The following ABCC11 variants were observed in gnomAD, a reference collection of about 807,000 sequenced individuals.
ABCC11 encodes ATP binding cassette subfamily C member 11.
A neutral mutation model predicts 149.3 loss-of-function variants in ABCC11; 135 were observed. The ratio of observed to expected loss-of-function variants is 0.90; its 90% CI spans 0.79 to 1.04. ABCC11 has a LOEUF of 1.04. Among genes scored for constraint, ABCC11 ranks in the 50% least tolerant of loss-of-function variants. The probability of loss-of-function intolerance (pLI) is 0.00; values close to 1 mark genes in which losing one functional copy is unlikely to be tolerated. For missense variants in ABCC11, 1,680 were observed against 1,722.1 expected (o/e 0.98, Z 0.43); for synonymous variants, 665 against 671.4 (o/e 0.99, Z 0.15).
intron 1 of ABCC11, among the ~76,000 whole-genome samples, chr16:48,241,776 CA>C (rs1970980522): frequency 6.6e-6 from 1 of 152,076 alleles, no homozygotes; most frequent in South Asian, 2.1e-4. Flanking sequence ...ACAAACCTGA[CA>C]AAAACAAGAA....
At chr16:48,165,056 G>C (rs1965291972), downstream of ABCC11, 1 of 152,118 alleles carries the variant, frequency 6.6e-6, no homozygotes, top group Admixed American at 6.5e-5. Flanking sequence ...GCTGCCATCT[G>C]CTGGTCGCTC....
At chr16:48,203,520 CA>C (rs1968179784) in intron 13 of ABCC11, among the ~76,000 whole-genome samples, 1 of 152,076 alleles carries the variant, frequency 6.6e-6, no homozygotes, top group African/African-American at 2.4e-5. Context: ...TAAAAAGATG[CA>C]ATAAAAAGCA....
rs1966775169 is a variant in ABCC11, at chr16:48,186,851, G to T, written c.3071+102C>A. On this transcript the variant is annotated intron_variant, in intron 22 of 29. Transcript: ENST00000356608. Reference sequence around the variant, plus strand: ...ACGTCCATCGAACAATGTGCTCTCTGATGCTTTTGAAGATGATGCCACTCC... The same window carrying T: ...ACGTCCATCGAACAATGTGCTCTCTTATGCTTTTGAAGATGATGCCACTCC... The T allele has an allele frequency of 5.6e-6, 8 of 1,426,362 alleles. No individual in the cohort carries two copies. In the South Asian group the frequency reaches 9.2e-5, roughly 16 times the overall value. The allele number at this position is 1,426,362 out of a possible 1,614,324, so 88.4% of individuals were successfully genotyped here. A position where few individuals can be genotyped will look rare whatever the true frequency, so the allele number is the denominator to read the frequency against.
At position 48,187,181 on chromosome 16, in the gene ABCC11, A is replaced by G. The variant is rs1000018855; in HGVS notation, c.2933+20T>C. The G allele has an allele frequency of 3.7e-6, 6 of 1,613,566 alleles. No homozygotes were observed. The African/African-American group carries it at 4.0e-5, about 11-fold the overall frequency. ...TCCCAGCCTTGCTCCCCAAGTCACA[A>G]GCAAAAAGAACCTACTCACATATAA... On this transcript the variant is annotated intron_variant, in intron 21 of 29. Transcript: ENST00000356608.
At position 48,216,160 on chromosome 16, in the gene ABCC11, G is replaced by C; in HGVS notation, c.905C>G (p.Thr302Ser). The change falls in exon 7 of 30, where the codon ACT (threonine) becomes AGT (serine). Residue 302 changes from threonine (T) to serine (S), a missense_variant. Transcript: ENST00000356608. ...ATAGCATAAGATGGCAATAAATGCAGTGTATCCAATAATGAAGTAGGAAGA... is the reference window on the plus strand; with the variant it reads ...ATAGCATAAGATGGCAATAAATGCACTGTATCCAATAATGAAGTAGGAAGA... ...SISSYFIIGY[T>S]AFIAILCYLL... 1 of 1,614,224 alleles carries C rather than the reference G, an allele frequency of 6.2e-7. No individual in the cohort carries two copies. The highest frequency in any genetic ancestry group is 8.5e-7 in the Non-Finnish European group (1 of 1,180,038).
intron 20 of ABCC11, among the ~76,000 whole-genome samples, chr16:48,190,364 T>G (rs1331747850): frequency 1.4e-5 from 2 of 138,064 alleles, no homozygotes; most frequent in Non-Finnish European, 3.2e-5. Context: ...AGCAATTTGG[T>G]TTTTTTTTTT....
intron 23 of ABCC11, among the ~76,000 whole-genome samples, chr16:48,179,513 A>C (rs1444584203): frequency 6.6e-6 from 1 of 152,226 alleles, no homozygotes; most frequent in Non-Finnish European, 1.5e-5. Flanking sequence ...TGGGTAACAC[A>C]TTAATCATAC....
intron 24 of ABCC11, 31 bp from the exon 25 acceptor site, chr16:48,177,144 T>C (rs1432463472): frequency 1.9e-6 from 3 of 1,599,932 alleles, no homozygotes; most frequent in African/African-American, 1.3e-5. Flanking sequence ...AAGAAATCAA[T>C]AGTTATCATC....
At chr16:48,221,100 G>A (rs1014328679) in intron 6 of ABCC11, among the ~76,000 whole-genome samples, 8 of 152,098 alleles carry the variant, frequency 5.3e-5, no homozygotes, top group South Asian at 4.1e-4. Context: ...GGATGTGCCC[G>A]GTGTAATTGA....
chr16:48,243,919 G>C (rs374690107), intron 1 of ABCC11, among the ~76,000 whole-genome samples: 3 of 152,118 alleles, frequency 2.0e-5, no homozygotes, highest in Non-Finnish European at 4.4e-5. Context: ...TTGAACCCGG[G>C]AGGCAGAGGC....
chr16:48,198,197 G>T lies in ABCC11; in HGVS notation c.2161C>A (p.Gln721Lys). The change falls in exon 16 of 30, where the codon CAG (glutamine) becomes AAG (lysine). Residue 721 changes from glutamine to lysine, a missense_variant. Gln to Lys is a moderately conservative substitution (Grantham distance 53). Coordinates refer to ENST00000356608, the MANE Select transcript of ABCC11 (RefSeq NM_001370497.1). The part of the protein sequence containing the change: ...CENGTHSELM[Q>K]KKGKYAQLIQ... ...AGTTGGGCATATTTCCCCTTTTTCT[G>T]CATTAACTCACTGTGAGTTCCATTT... 6.2e-7 allele frequency: 1 copy of T among 1,614,130 alleles called. No individual in the cohort carries two copies. The highest frequency in any genetic ancestry group is 8.5e-7 in the Non-Finnish European group (1 of 1,180,026).
intron 1 of ABCC11, among the ~76,000 whole-genome samples, chr16:48,237,317 C>G (rs2150933011): frequency 6.6e-6 from 1 of 152,350 alleles, no homozygotes; most frequent in African/African-American, 2.4e-5. Flanking sequence ...CCAGGATCTT[C>G]AGCTACTGGC....
intron 15 of ABCC11, among the ~76,000 whole-genome samples, chr16:48,198,614 C>T (rs1237374987): frequency 6.7e-6 from 1 of 149,866 alleles, no homozygotes; most frequent in Non-Finnish European, 1.5e-5. Flanking sequence ...CAAAGGTACA[C>T]GTAGAAGGAT....
intron 1 of ABCC11, among the ~76,000 whole-genome samples, chr16:48,245,423 G>A (rs373313688): frequency 1.3e-5 from 2 of 152,278 alleles, no homozygotes; most frequent in East Asian, 1.9e-4. Context: ...TCTTAGGCAA[G>A]TTATGAAGAA....
chr16:48,227,943 C>T lies in ABCC11; in HGVS notation c.258G>A (p.Leu86=), dbSNP rs1161140485. The stretch of plus-strand genomic sequence containing the variant: ...GGTAGGAGAACAGGCCAGCATTGTC[C>T]AGGGGCTGGGGGGCAGGAAACCTAG... ...PKPRFPAPQP[L]DNAGLFSYLT... is the part of the protein sequence containing the mutation. The change falls in exon 4 of 30, where the codon CTG becomes CTA. Residue 86 remains leucine (L), a synonymous_variant. Coordinates refer to ENST00000356608, the MANE Select transcript of ABCC11 (RefSeq NM_001370497.1). The T allele has an allele frequency of 4.3e-6, 7 of 1,613,376 alleles. No homozygotes were observed. Among genetic ancestry groups the T allele is most frequent in the South Asian group, 1.1e-5 (1 of 91,012 alleles).
Position 48,170,146 on chromosome 16 carries a change from G to T in ABCC11, c.3850C>A (p.Gln1284Lys). 6.2e-7 allele frequency: 1 copy of T among 1,614,118 alleles called. No individual in the cohort carries two copies. Among genetic ancestry groups the T allele is most frequent in the Non-Finnish European group, 8.5e-7 (1 of 1,179,992 alleles). ...ACAGCCCTGGCAATGCAGAGCAGCT[G>T]CCTCTCCCCCACAGAGAAGTTTCCA... The part of the protein sequence containing the change: ...NGGNFSVGER[Q>K]LLCIARAVLR... The change falls in exon 28 of 30, where the codon CAG becomes AAG. Residue 1284 changes from glutamine to lysine, a missense_variant. Transcript: ENST00000356608.
Position 48,200,452 on chromosome 16 carries a change from C to T in ABCC11, c.1906G>A (p.Gly636Arg). The change falls in exon 15 of 30, where the codon GGG (glycine) becomes AGG (arginine). Residue 636 changes from glycine (G) to arginine (R), a missense_variant. Physicochemically the swap from Gly to Arg is moderately radical, Grantham distance 125. Coordinates refer to ENST00000356608, the MANE Select transcript of ABCC11 (RefSeq NM_001370497.1). ...EIGERGLNLSGGQKQRISLAR... is the reference protein window; with the variant it reads ...EIGERGLNLSRGQKQRISLAR... ...AGGCTGATCCTCTGTTTCTGCCCCC[C>T]AGAGAGGTTGAGGCCCCGCTCTCCA... 6.2e-7 allele frequency: 1 copy of T among 1,614,182 alleles called. No individual in the cohort carries two copies. Among genetic ancestry groups the T allele is most frequent in the African/African-American group, 1.3e-5 (1 of 75,072 alleles).
intron 19 of ABCC11, among the ~76,000 whole-genome samples, chr16:48,193,303 C>G (rs1473528426): frequency 6.6e-6 from 1 of 152,136 alleles, no homozygotes; most frequent in East Asian, 1.9e-4. Context: ...TCCTGGTACA[C>G]GATCCAGAAA....
At position 48,231,693 on chromosome 16, in the gene ABCC11, A is replaced by G. The variant is rs555439092; in HGVS notation, c.99+130T>C. ...AAAAAAAAAGAGAGAGAGAGAGAGC[A>G]AAAAGAGAAAAGAAAAAAAATTCAA... is the stretch of plus-strand genomic sequence containing the variant. On this transcript the variant is annotated intron_variant, in intron 2 of 29. Coordinates refer to ENST00000356608, the MANE Select transcript of ABCC11 (RefSeq NM_001370497.1). 1.0e-4 allele frequency: 141 copies of G among 1,353,156 alleles called. No individual in the cohort carries two copies. The African/African-American group carries it at 2.0e-3, about 19-fold the overall frequency. The allele number at this position is 1,353,156 out of a possible 1,614,324, so 83.8% of individuals were successfully genotyped here. A position where few individuals can be genotyped will look rare whatever the true frequency, so the allele number is the denominator to read the frequency against.
Sources: gnomAD v4.1 joint callset for allele counts (sites outside exome capture counted in the v4.1 genomes callset) on GRCh38, gnomAD v4.1.1 for gene constraint, MANE v1.5 for transcripts, NCBI Gene and HGNC (gene_info 2026-07-23, HGNC 2026-07-21) for gene names.